The following STRN variants were observed in gnomAD, a reference collection of about 807,000 sequenced individuals.
STRN encodes the protein protein phosphatase 2 regulatory subunit B'''alpha.
In STRN, 53 loss-of-function variants were observed where a neutral mutation model predicts 96.3. The ratio of observed to expected loss-of-function variants is 0.55; its 90% CI spans 0.44 to 0.69. The LOEUF (loss-of-function observed/expected upper bound fraction) is 0.69, where lower values mean the gene tolerates loss of function less well. Among genes scored for constraint, STRN ranks in the 30% least tolerant of loss-of-function variants. The pLI is 0.00. For synonymous variants in STRN, 428 were observed against 355.9 expected (o/e 1.20, Z -2.28); for missense variants, 987 against 963.9 (o/e 1.02, Z -0.32).
At position 36,849,366 on chromosome 2, in the gene STRN, G is replaced by A. The variant is rs1372150676; in HGVS notation, c.*90C>T. 2 of 1,437,764 alleles carry A rather than the reference G, an allele frequency of 1.4e-6. No homozygotes were observed. The highest frequency in any genetic ancestry group is 1.3e-5 in the South Asian group (1 of 77,954). 89.1% of individuals were successfully genotyped at this position (1,437,764 alleles called of 1,614,324 possible). On this transcript the variant is annotated 3_prime_UTR_variant, in exon 18 of 18. Coordinates refer to ENST00000263918, the MANE Select transcript of STRN (RefSeq NM_003162.4). ...GCTCCTTCAGCAGAACAAAAGGGCA[G>A]GACGAGATGATTCTTGCCCTCGTCT...
intron 5 of STRN, among the ~76,000 whole-genome samples, chr2:36,902,375 A>T (rs1669709146): frequency 6.6e-6 from 1 of 152,186 alleles, no homozygotes; most frequent in African/African-American, 2.4e-5. Context: ...TCTGTATTAA[A>T]TAAATATCAC....
intron 3 of STRN, 93 bp from the exon 4 acceptor site, chr2:36,905,711 TTAAGAA>T (rs1669802363): frequency 2.7e-6 from 3 of 1,107,338 alleles, no homozygotes; most frequent in Middle Eastern, 2.9e-4. Context: ...ATTTATAAGA[TTAAGAA>T]TATGTAAAAC....
At chr2:36,857,835 A>G (rs1273143081) in intron 14 of STRN, 21 bp downstream of exon 14, 1 of 1,593,602 alleles carries the variant, frequency 6.3e-7, no homozygotes, top group African/African-American at 1.3e-5. Context: ...ATTCAGCAAA[A>G]TAATTTTTTA....
chr2:36,919,831 GGTTCCTCA>G (rs1670203567), intron 2 of STRN, among the ~76,000 whole-genome samples: 1 of 152,072 alleles, frequency 6.6e-6, no homozygotes, highest in Non-Finnish European at 1.5e-5. Flanking sequence ...TAGTATTTGA[GGTTCCTCA>G]ACATAGATGT....
In STRN at chr2:36,902,722, G is replaced by T; in HGVS notation, c.521C>A (p.Thr174Asn). Residue 174 changes from threonine to asparagine, a missense_variant, in exon 5 of 18, where the codon ACT becomes AAT. Thr to Asn is a moderately conservative substitution (Grantham distance 65). Coordinates refer to ENST00000263918, the MANE Select transcript of STRN (RefSeq NM_003162.4). Reference protein sequence around the residue: ...QYLQEVGYTDTILDVKSKRVR... With the variant: ...QYLQEVGYTDNILDVKSKRVR... Reference sequence around the variant, plus strand: ...TCGTTTAGATTTCACATCTAGAATAGTATCTGTATAACCCACCTCCTGTAG... The same window carrying T: ...TCGTTTAGATTTCACATCTAGAATATTATCTGTATAACCCACCTCCTGTAG... 1 of 1,610,356 alleles carries T rather than the reference G, an allele frequency of 6.2e-7. No homozygotes were observed. The highest frequency in any genetic ancestry group is 8.5e-7 in the Non-Finnish European group (1 of 1,177,556).
chr2:36,876,464 G>A (rs1668914788), intron 10 of STRN, among the ~76,000 whole-genome samples: 1 of 152,062 alleles, frequency 6.6e-6, no homozygotes, highest in Non-Finnish European at 1.5e-5. Context: ...TTACTAATGG[G>A]CTTAGCAAAC....
chr2:36,903,213 A>C (rs1669735385), intron 4 of STRN, among the ~76,000 whole-genome samples: 1 of 152,200 alleles, frequency 6.6e-6, no homozygotes, highest in South Asian at 2.1e-4. Context: ...CACTCTACAG[A>C]ATTGAAGCTC....
At chr2:36,943,193 C>G (rs1279076681) in intron 1 of STRN, among the ~76,000 whole-genome samples, 1 of 151,824 alleles carries the variant, frequency 6.6e-6, no homozygotes, top group Non-Finnish European at 1.5e-5. Context: ...AGGAAAAAAA[C>G]AAACTTTACG....
rs1443158598 is a variant in STRN, at chr2:36,868,506, A to T, written c.1500-645T>A. Among the ~76,000 whole-genome samples the T allele has an allele frequency of 2.6e-5, 4 of 152,198 alleles. No individual in the cohort carries two copies. In the South Asian group the frequency reaches 8.3e-4, roughly 31 times the overall value. On this transcript the variant is annotated intron_variant, in intron 11 of 17. Coordinates refer to ENST00000263918, the MANE Select transcript of STRN (RefSeq NM_003162.4). ...AATACTGGCTATGACTTTGATGGAA[A>T]CTGGATTTAAAGTCACGTACTTACT... is the stretch of plus-strand genomic sequence containing the variant.
At chr2:36,928,504 T>C (rs900609630) in intron 1 of STRN, among the ~76,000 whole-genome samples, 3 of 144,044 alleles carry the variant, frequency 2.1e-5, no homozygotes, top group African/African-American at 7.8e-5. Flanking sequence ...ATACAAAAAT[T>C]AGCCAGGCAT....
At chr2:36,885,041 T>C (rs563557494) in intron 8 of STRN, among the ~76,000 whole-genome samples, 1 of 152,294 alleles carries the variant, frequency 6.6e-6, no homozygotes, top group African/African-American at 2.4e-5. Context: ...CAGTGTCATT[T>C]TTCTTCACCA....
At chr2:36,959,030 T>G (rs1379509457) in intron 1 of STRN, among the ~76,000 whole-genome samples, 1 of 151,982 alleles carries the variant, frequency 6.6e-6, no homozygotes, top group Non-Finnish European at 1.5e-5. Context: ...GCAGGAGAAT[T>G]GCTTGAACCC....
chr2:36,907,360 T>C (rs1417600020), intron 3 of STRN, among the ~76,000 whole-genome samples: 2 of 152,118 alleles, frequency 1.3e-5, no homozygotes, highest in Admixed American at 1.3e-4. Context: ...CCAGCCTGGC[T>C]AACGCGGTGA....
chr2:36,892,890 G>A (rs1248301093), intron 7 of STRN, among the ~76,000 whole-genome samples: 6 of 151,924 alleles, frequency 3.9e-5, no homozygotes, highest in East Asian at 1.9e-4. Context: ...GCCTGGTGGC[G>A]CACACTGTAG....
At chr2:36,922,448 G>C (rs574882286) in intron 2 of STRN, among the ~76,000 whole-genome samples, 1 of 149,504 alleles carries the variant, frequency 6.7e-6, no homozygotes, top group South Asian at 2.1e-4. Flanking sequence ...GTGCCCAGAA[G>C]GCTGACACCG....
chr2:36,899,307 C>G (rs1476633017), intron 6 of STRN, among the ~76,000 whole-genome samples: 1 of 152,026 alleles, frequency 6.6e-6, no homozygotes, highest in Non-Finnish European at 1.5e-5. Flanking sequence ...AATGAATGAA[C>G]AAAAAGTCAA....
chr2:36,902,619 G>A lies in STRN; in HGVS notation c.624C>T (p.Gly208=), dbSNP rs1208554203. The change falls in exon 5 of 18, where the codon GGC becomes GGT. Residue 208 remains glycine (G), a synonymous_variant. Coordinates refer to ENST00000263918, the MANE Select transcript of STRN (RefSeq NM_003162.4). ...DDKNQDSVVN[G]TEAEVKETAM... is the part of the protein sequence containing the mutation. Reference sequence around the variant, plus strand: ...CTGTCTCTTTAACTTCAGCCTCTGTGCCATTTACAACTGAGTCCTGATTTT... The same window carrying A: ...CTGTCTCTTTAACTTCAGCCTCTGTACCATTTACAACTGAGTCCTGATTTT... 3.1e-6 allele frequency: 5 copies of A among 1,609,566 alleles called. No homozygotes were observed. In the East Asian group the frequency reaches 8.9e-5, roughly 29 times the overall value.
At chr2:36,909,412 C>A (rs1055542881) in intron 3 of STRN, among the ~76,000 whole-genome samples, 5 of 151,936 alleles carry the variant, frequency 3.3e-5, no homozygotes, top group Admixed American at 2.6e-4. Context: ...ATTAGGGTAA[C>A]AGACACTAGA....
At chr2:36,941,625 C>A (rs1405726326) in intron 1 of STRN, among the ~76,000 whole-genome samples, 1 of 151,732 alleles carries the variant, frequency 6.6e-6, no homozygotes, top group Admixed American at 6.6e-5. Context: ...TCTCGGCTCA[C>A]TGCAACTTCT....
Sources: allele counts gnomAD v4.1 joint callset (sites outside exome capture counted in the v4.1 genomes callset), GRCh38; gene constraint gnomAD v4.1.1; transcripts MANE v1.5; gene names NCBI Gene and HGNC (gene_info 2026-07-23, HGNC 2026-07-21).